The following ABHD12 variants were observed in gnomAD, a reference collection of about 807,000 sequenced individuals.
The protein encoded by ABHD12 is lysophosphatidylserine lipase ABHD12.
A neutral mutation model predicts 58.3 loss-of-function variants in ABHD12; 43 were observed. The ratio of observed to expected loss-of-function variants is 0.74; its 90% CI spans 0.58 to 0.95. The LOEUF (loss-of-function observed/expected upper bound fraction) is 0.95. ABHD12 is among the 40% of genes least tolerant of loss of function. ABHD12 has a pLI of 0.00. For synonymous variants in ABHD12, 219 were observed against 211.2 expected (o/e 1.04, Z -0.32); for missense variants, 539 against 537.2 (o/e 1.00, Z -0.03).
At chr20:25,333,727 T>C (rs2089316314) in intron 2 of ABHD12, among the ~76,000 whole-genome samples, 1 of 151,932 alleles carries the variant, frequency 6.6e-6, no homozygotes, top group African/African-American at 2.4e-5. Flanking sequence ...TCTCAATAGA[T>C]GCAGAAAAGG....
At chr20:25,318,571 A>T (rs2089006344) in intron 4 of ABHD12, among the ~76,000 whole-genome samples, 1 of 151,994 alleles carries the variant, frequency 6.6e-6, no homozygotes, top group Non-Finnish European at 1.5e-5. Flanking sequence ...GGTGGCGAGG[A>T]CTGCAGCCAG....
intron 2 of ABHD12, among the ~76,000 whole-genome samples, chr20:25,327,692 G>C (rs925828659): frequency 3.3e-5 from 5 of 152,152 alleles, no homozygotes; most frequent in Admixed American, 6.5e-5. Flanking sequence ...CTGGGGACTA[G>C]ACTGCCTTTA....
chr20:25,335,183 T>C (rs199890661), intron 2 of ABHD12, among the ~76,000 whole-genome samples: 4 of 152,168 alleles, frequency 2.6e-5, no homozygotes, highest in Non-Finnish European at 4.4e-5. Context: ...GACAGTTATG[T>C]AGCCAAAAAA....
At chr20:25,302,496 G>A (rs1175663074) in intron 11 of ABHD12, 150 bp from the exon 12 acceptor site, 1 of 1,042,028 alleles carries the variant, frequency 9.6e-7, no homozygotes, top group Non-Finnish European at 1.4e-6. Context: ...CGACCAGGAG[G>A]CCCGGGGGTG....
chr20:25,294,906 G>A, exon 13 of ABHD12: 1 of 1,549,800 alleles, frequency 6.5e-7, no homozygotes, highest in Non-Finnish European at 8.8e-7. Flanking sequence ...TCCACTTTCA[G>A]CTGCCTTTGG....
chr20:25,306,140 C>G (rs1016586786), intron 10 of ABHD12, among the ~76,000 whole-genome samples: 45 of 151,120 alleles, frequency 3.0e-4, no homozygotes, highest in Admixed American at 2.8e-3. Flanking sequence ...GCACTACAAC[C>G]TGGGTGACAG....
intron 4 of ABHD12, among the ~76,000 whole-genome samples, chr20:25,318,431 C>A (rs1459622918): frequency 6.6e-6 from 1 of 152,200 alleles, no homozygotes; most frequent in Non-Finnish European, 1.5e-5. Flanking sequence ...AAATTTCCTA[C>A]ATTAAGCAAA....
intron 12 of ABHD12, among the ~76,000 whole-genome samples, chr20:25,301,796 C>T (rs928736290): frequency 6.6e-6 from 1 of 152,360 alleles, no homozygotes. Context: ...CCTGCCAGTG[C>T]AGGGCAGTCA....
chr20:25,302,049 A>G (rs960116084), intron 12 of ABHD12, among the ~76,000 whole-genome samples, 170 bp downstream of exon 12: 1 of 152,088 alleles, frequency 6.6e-6, no homozygotes, highest in Non-Finnish European at 1.5e-5. Flanking sequence ...AGCAGGAGAG[A>G]GGCACTCCCT....
rs773407337 is a variant in ABHD12, at chr20:25,306,874, A to G, written c.909T>C (p.Asp303=). 2 of 1,613,064 alleles carry G rather than the reference A, an allele frequency of 1.2e-6. No homozygotes were observed. The highest frequency in any genetic ancestry group is 2.2e-5 in the East Asian group (1 of 44,894). Residue 303 remains aspartate, a synonymous_variant, in exon 10 of 13, where the codon GAT becomes GAC. Transcript: ENST00000339157. ...ATTTAATTCCACTACTTGTAATAGG[A>G]TCAAGGAAGAACCAGTCAAACCCAG... ...YFPGFDWFFL[D]PITSSGIKFA...
intron 6 of ABHD12, among the ~76,000 whole-genome samples, chr20:25,312,698 G>A (rs372771803): frequency 6.7e-5 from 10 of 150,306 alleles, no homozygotes; most frequent in East Asian, 3.9e-4. Context: ...AGTGAGGAGC[G>A]CCTCTTCCCG....
chr20:25,311,537 AT>A (rs2088849475), intron 6 of ABHD12, among the ~76,000 whole-genome samples: 1 of 152,194 alleles, frequency 6.6e-6, no homozygotes, highest in African/African-American at 2.4e-5. Flanking sequence ...GCAAGAGAGA[AT>A]TAACACAACC....
chr20:25,299,365 A>G (rs1164631505), downstream of ABHD12, among the ~76,000 whole-genome samples: 1 of 152,052 alleles, frequency 6.6e-6, no homozygotes, highest in Non-Finnish European at 1.5e-5. Context: ...GTGCCACTGC[A>G]CTCCAGCCTG....
At chr20:25,359,921 T>G (rs2089722196) in intron 1 of ABHD12, among the ~76,000 whole-genome samples, 1 of 152,168 alleles carries the variant, frequency 6.6e-6, no homozygotes, top group Non-Finnish European at 1.5e-5. Context: ...ATTATAGAAG[T>G]GTACGTTAAA....
chr20:25,361,971 A>G (rs1029170339), intron 1 of ABHD12, among the ~76,000 whole-genome samples: 1 of 149,816 alleles, frequency 6.7e-6, no homozygotes. Flanking sequence ...CACACACACA[A>G]AAAAAGAAAA....
At chr20:25,379,310 G>T (rs2089995822) in intron 1 of ABHD12, among the ~76,000 whole-genome samples, 1 of 152,208 alleles carries the variant, frequency 6.6e-6, no homozygotes, top group African/African-American at 2.4e-5. Flanking sequence ...TGAGAGCTCA[G>T]ACTGCGCCCA....
chr20:25,307,618 C>G (rs964097455), intron 9 of ABHD12, among the ~76,000 whole-genome samples: 3 of 152,258 alleles, frequency 2.0e-5, no homozygotes, highest in Non-Finnish European at 2.9e-5. Flanking sequence ...GTCCAGCCCC[C>G]CAAGCACTGT....
chr20:25,314,777 G>A lies in ABHD12; in HGVS notation c.619+148C>T, dbSNP rs139015918. The A allele has an allele frequency of 3.7e-4, 325 of 888,968 alleles. 3 individuals are homozygous for A. The African/African-American group carries it at 4.4e-3, about 12-fold the overall frequency. The allele number at this position is 888,968 out of a possible 1,614,324, so 55.1% of individuals were successfully genotyped here. A position where few individuals can be genotyped will look rare whatever the true frequency, so the allele number is the denominator to read the frequency against. On this transcript the variant is annotated intron_variant, in intron 6 of 12. Transcript: ENST00000339157. ...GGGGCTCTCCTGACAGCTCCATCAGGGTCTTTGTCAGGACCCAGGACACCA... is the reference window on the plus strand; with the variant it reads ...GGGGCTCTCCTGACAGCTCCATCAGAGTCTTTGTCAGGACCCAGGACACCA...
intron 1 of ABHD12, among the ~76,000 whole-genome samples, chr20:25,352,187 TCAC>T (rs1283399147): frequency 6.6e-6 from 1 of 151,894 alleles, no homozygotes. Flanking sequence ...AGATGAGGTT[TCAC>T]CACATTGGCC....
Sources: allele counts gnomAD v4.1 joint callset (sites outside exome capture counted in the v4.1 genomes callset), GRCh38; gene constraint gnomAD v4.1.1; transcripts MANE v1.5; gene names NCBI Gene and HGNC (gene_info 2026-07-23, HGNC 2026-07-21).